The following SHC3 variants were observed in gnomAD, a reference collection of about 807,000 sequenced individuals.
The protein encoded by SHC3 is SHC-transforming protein 3.
A neutral mutation model predicts 60.4 loss-of-function variants in SHC3; 15 were observed. That is an observed-to-expected ratio of 0.25 (90% CI 0.17 to 0.38). The LOEUF is 0.38. Ranked by LOEUF, SHC3 falls within the 10% of genes least tolerant of loss-of-function variation. The pLI is 1.00. For missense variants in SHC3, 677 were observed against 786.1 expected (o/e 0.86, Z 1.66); for synonymous variants, 294 against 325.9 (o/e 0.90, Z 1.05).
intron 1 of SHC3, among the ~76,000 whole-genome samples, chr9:89,155,075 C>T (rs775497747): frequency 5.9e-5 from 9 of 152,124 alleles, no homozygotes; most frequent in African/African-American, 1.9e-4. Context: ...CTTTTCTTCA[C>T]GACACCCCAC....
intron 4 of SHC3, 95 bp from the exon 5 acceptor site, chr9:89,071,347 A>G: frequency 7.9e-7 from 1 of 1,273,164 alleles, no homozygotes; most frequent in Non-Finnish European, 1.1e-6. Context: ...ACAAATTGAC[A>G]TGTTTTCCTG....
intron 3 of SHC3, among the ~76,000 whole-genome samples, chr9:89,076,567 C>CT (rs879382891): frequency 5.1e-4 from 74 of 146,404 alleles, no homozygotes; most frequent in African/African-American, 1.0e-3. Context: ...CTAATCCAGG[C>CT]TTTTTTTTTT....
intron 1 of SHC3, among the ~76,000 whole-genome samples, chr9:89,142,905 C>A (rs747369255): frequency 5.3e-5 from 8 of 152,036 alleles, no homozygotes; most frequent in Non-Finnish European, 8.8e-5. Context: ...CGGACCCCAC[C>A]ACTTACCCCA....
chr9:89,163,667 C>T (rs1230866567), intron 1 of SHC3, among the ~76,000 whole-genome samples: 2 of 149,556 alleles, frequency 1.3e-5, no homozygotes, highest in Non-Finnish European at 3.0e-5. Flanking sequence ...GTGGGTGCAG[C>T]GCACCAGCAT....
At chr9:89,092,798 C>T (rs547372051) in intron 2 of SHC3, among the ~76,000 whole-genome samples, 1 of 151,382 alleles carries the variant, frequency 6.6e-6, no homozygotes, top group South Asian at 2.1e-4. Context: ...ATCTGGAAAG[C>T]TATTAACACT....
intron 1 of SHC3, among the ~76,000 whole-genome samples, chr9:89,154,736 T>C (rs1205524206): frequency 1.3e-5 from 2 of 152,116 alleles, no homozygotes; most frequent in African/African-American, 4.8e-5. Context: ...GTGTCATCAA[T>C]CTTACGTACG....
intron 1 of SHC3, among the ~76,000 whole-genome samples, chr9:89,175,726 A>G (rs1564200046): frequency 6.6e-6 from 1 of 152,240 alleles, no homozygotes; most frequent in Non-Finnish European, 1.5e-5. Flanking sequence ...TACTATTGGT[A>G]TCTAGTCATA....
At chr9:89,163,451 G>A in intron 1 of SHC3, among the ~76,000 whole-genome samples, 1 of 151,176 alleles carries the variant, frequency 6.6e-6, no homozygotes, top group East Asian at 1.9e-4. Context: ...GTAGGGACAT[G>A]GATGAAATTG....
At chr9:89,071,109 T>C in intron 5 of SHC3, 90 bp downstream of exon 5, 1 of 1,231,972 alleles carries the variant, frequency 8.1e-7, no homozygotes. Flanking sequence ...TAACCTTTTT[T>C]ACAGTGTCTT....
intron 1 of SHC3, among the ~76,000 whole-genome samples, chr9:89,130,570 A>G (rs1437417616): frequency 6.6e-6 from 1 of 152,242 alleles, no homozygotes; most frequent in Non-Finnish European, 1.5e-5. Flanking sequence ...ACTGTCTCTC[A>G]GACCACAGTG....
intron 1 of SHC3, among the ~76,000 whole-genome samples, chr9:89,136,758 C>A (rs1015607328): frequency 6.6e-6 from 1 of 152,160 alleles, no homozygotes; most frequent in Non-Finnish European, 1.5e-5. Context: ...GCCTCGAATT[C>A]TTTCTTGTGC....
chr9:89,075,864 A>T (rs1384802041), intron 3 of SHC3, among the ~76,000 whole-genome samples: 2 of 152,026 alleles, frequency 1.3e-5, no homozygotes, highest in African/African-American at 4.8e-5. Context: ...CCCTGTCAGA[A>T]ATGTCCTTAC....
chr9:89,131,188 C>T (rs1345076262), intron 1 of SHC3, among the ~76,000 whole-genome samples: 1 of 152,122 alleles, frequency 6.6e-6, no homozygotes, highest in East Asian at 1.9e-4. Flanking sequence ...GACACATACA[C>T]CCTCCCAAGA....
chr9:89,047,640 T>G (rs6559336), intron 7 of SHC3, among the ~76,000 whole-genome samples: 1 of 151,646 alleles, frequency 6.6e-6, no homozygotes, highest in Non-Finnish European at 1.5e-5. Context: ...GCATGAAAAG[T>G]TCCTCAACAT....
At chr9:89,069,878 A>G (rs957300660) in intron 5 of SHC3, among the ~76,000 whole-genome samples, 6 of 152,248 alleles carry the variant, frequency 3.9e-5, no homozygotes, top group Admixed American at 1.3e-4. Flanking sequence ...TGCTCCTTCA[A>G]TTTGGCTTCC....
chr9:89,035,307 C>A (rs2117861634), intron 11 of SHC3, among the ~76,000 whole-genome samples: 1 of 152,236 alleles, frequency 6.6e-6, no homozygotes, highest in East Asian at 1.9e-4. Context: ...TCATTGCAAG[C>A]CCTATTGAAA....
chr9:89,054,843 A>G (rs2117937392), intron 6 of SHC3, among the ~76,000 whole-genome samples: 1 of 152,328 alleles, frequency 6.6e-6, no homozygotes, highest in African/African-American at 2.4e-5. Context: ...GCAATAGTTC[A>G]TTTACTTAAA....
chr9:89,076,010 A>T (rs1207546357), intron 3 of SHC3, among the ~76,000 whole-genome samples: 1 of 152,040 alleles, frequency 6.6e-6, no homozygotes, highest in Admixed American at 6.5e-5. Context: ...TTAGTTCCTA[A>T]CCAGGTGCAC....
chr9:89,160,060 G>C (rs951444300), intron 1 of SHC3, among the ~76,000 whole-genome samples: 1 of 152,180 alleles, frequency 6.6e-6, no homozygotes, highest in Non-Finnish European at 1.5e-5. Context: ...GGAGGACTTC[G>C]CACAGACCCT....
Sources: allele counts gnomAD v4.1 joint callset (sites outside exome capture counted in the v4.1 genomes callset), GRCh38; gene constraint gnomAD v4.1.1; transcripts MANE v1.5; gene names NCBI Gene and HGNC (gene_info 2026-07-23, HGNC 2026-07-21).